The following DCC variants were observed in gnomAD, a reference collection of about 807,000 sequenced individuals.
The protein encoded by DCC is netrin receptor DCC.
In DCC, 58 loss-of-function variants were observed where a neutral mutation model predicts 172.5. That is an observed-to-expected ratio of 0.34 (90% CI 0.27 to 0.42). The LOEUF is 0.42. Ranked by LOEUF, DCC falls within the 10% of genes least tolerant of loss-of-function variation. The pLI is 1.00. For missense variants in DCC, 1,740 were observed against 1,791.0 expected, an observed-to-expected ratio of 0.97 and a Z score of 0.51; for synonymous variants, 709 against 644.5, an observed-to-expected ratio of 1.10 and a Z score of -1.52.
intron 14 of DCC, among the ~76,000 whole-genome samples, chr18:53,334,483 G>A (rs935244480): frequency 6.6e-6 from 1 of 152,098 alleles, no homozygotes; most frequent in Admixed American, 6.6e-5. Flanking sequence ...GTGGCATTAA[G>A]CACATTCATG....
At chr18:52,966,922 C>T (rs1029420294) in intron 5 of DCC, among the ~76,000 whole-genome samples, 2 of 152,174 alleles carry the variant, frequency 1.3e-5, no homozygotes, top group African/African-American at 4.8e-5. Context: ...GTCTTTCCTG[C>T]TATGTAAGAG....
At chr18:53,473,205 C>T (rs1217465613) in intron 25 of DCC, among the ~76,000 whole-genome samples, 1 of 152,136 alleles carries the variant, frequency 6.6e-6, no homozygotes, top group African/African-American at 2.4e-5. Flanking sequence ...ACAATACTGC[C>T]TTATATGCTT....
intron 5 of DCC, among the ~76,000 whole-genome samples, chr18:52,991,882 A>G (rs564800478): frequency 6.6e-6 from 1 of 152,294 alleles, no homozygotes; most frequent in Admixed American, 6.5e-5. Flanking sequence ...AAAAGGGACA[A>G]TATGTTACCA....
intron 12 of DCC, among the ~76,000 whole-genome samples, chr18:53,232,397 G>T (rs975648540): frequency 3.3e-5 from 5 of 152,268 alleles, no homozygotes; most frequent in Non-Finnish European, 7.4e-5. Flanking sequence ...TCACATTGAT[G>T]TTGTGGGTGG....
At chr18:52,667,476 C>T (rs72929141) in intron 1 of DCC, among the ~76,000 whole-genome samples, 1 of 152,324 alleles carries the variant, frequency 6.6e-6, no homozygotes, top group Non-Finnish European at 1.5e-5. Context: ...CAGGCTCAGA[C>T]CTTGCAGGAG....
rs2040185568 is a variant in DCC, at chr18:52,925,365, T to C, written c.980T>C (p.Val327Ala). ...ATTAGTGCCTCTGCAGAGCTCACAG[T>C]CTTGGGTAAGTTAGTGGCTGGAGAT... ...ENISASAELT[V>A]LVPPWFLNHP... Residue 327 changes from valine to alanine, a missense_variant, in exon 5 of 29, where the codon GTC becomes GCC. Coordinates refer to ENST00000442544, the MANE Select transcript of DCC (RefSeq NM_005215.4). The C allele has an allele frequency of 1.2e-6, 2 of 1,612,118 alleles. No individual in the cohort carries two copies. Among genetic ancestry groups the C allele is most frequent in the Non-Finnish European group, 1.7e-6 (2 of 1,178,616 alleles).
At chr18:53,502,856 T>A in intron 27 of DCC, among the ~76,000 whole-genome samples, 1 of 152,106 alleles carries the variant, frequency 6.6e-6, no homozygotes, top group South Asian at 2.1e-4. Flanking sequence ...TTTTTAAATT[T>A]ATTTTATTTT....
intron 1 of DCC, among the ~76,000 whole-genome samples, chr18:52,484,927 A>C (rs28532107): frequency 1.4e-3 from 211 of 152,032 alleles, no homozygotes; most frequent in African/African-American, 4.7e-3. Context: ...TCTGATTGAT[A>C]TTTTTCTGGA....
intron 1 of DCC, among the ~76,000 whole-genome samples, chr18:52,507,741 G>A (rs2031283485): frequency 6.6e-6 from 1 of 152,140 alleles, no homozygotes; most frequent in South Asian, 2.1e-4. Flanking sequence ...TGAATCCTCA[G>A]AGCATCTTTT....
intron 5 of DCC, among the ~76,000 whole-genome samples, chr18:53,040,272 C>A (rs1049704649): frequency 2.0e-5 from 3 of 151,910 alleles, no homozygotes; most frequent in Admixed American, 1.3e-4. Context: ...TAAATCCCAA[C>A]CCAATAACCT....
chr18:52,867,656 T>G (rs2039249498), intron 2 of DCC, among the ~76,000 whole-genome samples: 1 of 152,204 alleles, frequency 6.6e-6, no homozygotes, highest in African/African-American at 2.4e-5. Flanking sequence ...CTAGATTTTC[T>G]AGTTTATTTG....
intron 9 of DCC, among the ~76,000 whole-genome samples, chr18:53,195,145 A>G (rs2055424796): frequency 6.6e-6 from 1 of 152,182 alleles, no homozygotes; most frequent in Non-Finnish European, 1.5e-5. Context: ...AAGTAGGAGA[A>G]GGGGTTTTTT....
At chr18:53,522,633 ATC>A (rs2046412552) in intron 27 of DCC, among the ~76,000 whole-genome samples, 1 of 152,154 alleles carries the variant, frequency 6.6e-6, no homozygotes, top group African/African-American at 2.4e-5. Flanking sequence ...CAACCATCTG[ATC>A]TTTGACAAAC....
intron 7 of DCC, among the ~76,000 whole-genome samples, chr18:53,135,470 C>T (rs2043726836): frequency 1.3e-5 from 2 of 152,118 alleles, no homozygotes; most frequent in African/African-American, 4.8e-5. Context: ...TTTTACACTC[C>T]TTATCCCACA....
intron 21 of DCC, among the ~76,000 whole-genome samples, chr18:53,434,473 T>C (rs1293544666): frequency 6.6e-6 from 1 of 152,210 alleles, no homozygotes; most frequent in African/African-American, 2.4e-5. Flanking sequence ...TCCTGGCTTA[T>C]TTCTCTTAAA....
At chr18:53,254,309 T>G (rs2056477554) in intron 12 of DCC, among the ~76,000 whole-genome samples, 1 of 152,058 alleles carries the variant, frequency 6.6e-6, no homozygotes, top group Non-Finnish European at 1.5e-5. Context: ...GGGTTTCAGA[T>G]TCGCCTATTA....
At chr18:52,950,768 G>T (rs1213837333) in intron 5 of DCC, among the ~76,000 whole-genome samples, 4 of 150,102 alleles carry the variant, frequency 2.7e-5, no homozygotes, top group African/African-American at 7.3e-5. Context: ...ACTAAAAATA[G>T]AAAAAAATTA....
At chr18:52,600,092 C>A (rs1362516220) in intron 1 of DCC, among the ~76,000 whole-genome samples, 1 of 152,108 alleles carries the variant, frequency 6.6e-6, no homozygotes, top group African/African-American at 2.4e-5. Context: ...AGTCATTAAA[C>A]TATTTTACTA....
At chr18:53,177,650 G>A (rs1378966467) in intron 8 of DCC, among the ~76,000 whole-genome samples, 4 of 152,138 alleles carry the variant, frequency 2.6e-5, no homozygotes, top group Non-Finnish European at 4.4e-5. Flanking sequence ...GACAACAGGT[G>A]GAAGAAGAGA....
Sources: allele counts gnomAD v4.1 joint callset (sites outside exome capture counted in the v4.1 genomes callset), GRCh38; gene constraint gnomAD v4.1.1; transcripts MANE v1.5; gene names NCBI Gene and HGNC (gene_info 2026-07-23, HGNC 2026-07-21).